Variants in SDK1 observed in about 807,000 individuals in gnomAD.
The protein encoded by SDK1 is sidekick cell adhesion molecule 1, also known as protein sidekick-1.
In SDK1, 157 loss-of-function variants were observed where a neutral mutation model predicts 245.5. That is an observed-to-expected ratio of 0.64 (90% confidence interval 0.56 to 0.73). The LOEUF (loss-of-function observed/expected upper bound fraction) is 0.73. SDK1 is among the 30% of genes least tolerant of loss of function. The pLI is 0.00. For synonymous variants in SDK1, 1,647 were observed against 1,278.5 expected (o/e 1.29, Z -6.15); for missense variants, 3,583 against 3,002.3 (o/e 1.19, Z -4.52).
intron 4 of SDK1, among the ~76,000 whole-genome samples, chr7:3,668,302 A>G (rs1032772848): frequency 1.3e-5 from 2 of 152,178 alleles, no homozygotes; most frequent in African/African-American, 4.8e-5. Context: ...TCCTCTTCCA[A>G]CACGACTCAC....
chr7:4,247,333 C>A (rs1434273136), intron 44 of SDK1, among the ~76,000 whole-genome samples: 2 of 152,120 alleles, frequency 1.3e-5, no homozygotes, highest in African/African-American at 4.8e-5. Context: ...ACAGAGGATG[C>A]CGGGTTTGCT....
intron 4 of SDK1, among the ~76,000 whole-genome samples, chr7:3,783,610 A>T (rs1222027901): frequency 6.6e-6 from 1 of 152,230 alleles, no homozygotes; most frequent in Non-Finnish European, 1.5e-5. Flanking sequence ...GAACAATTTC[A>T]TTTACAACAG....
Position 3,692,881 on chromosome 7 carries a change from T to C in SDK1, c.713+50776T>C, listed in dbSNP as rs898435247. Among the ~76,000 whole-genome samples, 92 of 152,190 alleles carry C rather than the reference T, an allele frequency of 6.0e-4. 1 individual carries two copies. Among genetic ancestry groups the C allele is most frequent in the African/African-American group, 2.2e-3 (91 of 41,560 alleles). On this transcript the variant is annotated intron_variant, in intron 4 of 44. Coordinates refer to ENST00000404826, the MANE Select transcript of SDK1 (RefSeq NM_152744.4). The stretch of plus-strand genomic sequence containing the variant: ...CGAGTATTGCACTGGCAAATACATT[T>C]CTATTTTAATTATATATTAATATGA...
At chr7:3,945,056 G>A (rs1780519574) in intron 5 of SDK1, among the ~76,000 whole-genome samples, 1 of 152,240 alleles carries the variant, frequency 6.6e-6, no homozygotes, top group African/African-American at 2.4e-5. Flanking sequence ...AGAGTTTGCA[G>A]TGAGCTGAGA....
chr7:4,096,035 A>G (rs1435664630), intron 22 of SDK1, among the ~76,000 whole-genome samples: 2 of 152,224 alleles, frequency 1.3e-5, no homozygotes, highest in Non-Finnish European at 2.9e-5. Flanking sequence ...CAGTGTGGAC[A>G]TGTGGGTAGA....
chr7:3,678,675 G>T (rs910715245), intron 4 of SDK1, among the ~76,000 whole-genome samples: 1 of 152,100 alleles, frequency 6.6e-6, no homozygotes, highest in Admixed American at 6.6e-5. Context: ...GTTTCTGTTT[G>T]GGATGAAGAA....
At chr7:3,845,947 T>G (rs551206140) in intron 5 of SDK1, among the ~76,000 whole-genome samples, 22 of 152,332 alleles carry the variant, frequency 1.4e-4, no homozygotes, top group African/African-American at 4.8e-4. Flanking sequence ...CCTACAACTT[T>G]GCAGAAATCC....
chr7:3,514,180 T>C (rs796417670), intron 1 of SDK1, among the ~76,000 whole-genome samples: 10 of 152,298 alleles, frequency 6.6e-5, no homozygotes, highest in African/African-American at 2.4e-4. Context: ...TCATGGAGTT[T>C]GTATGTTTTT....
chr7:4,007,357 C>A (rs1334198057), intron 14 of SDK1, among the ~76,000 whole-genome samples: 2 of 152,000 alleles, frequency 1.3e-5, no homozygotes, highest in East Asian at 3.9e-4. Context: ...AAGAGGGGGA[C>A]CCAGGTAGCC....
intron 4 of SDK1, among the ~76,000 whole-genome samples, chr7:3,644,025 C>T (rs1384014999): frequency 6.6e-6 from 1 of 151,220 alleles, no homozygotes; most frequent in African/African-American, 2.4e-5. Flanking sequence ...GCCTCAGCCT[C>T]CTGAGTAGCT....
chr7:3,449,570 G>A (rs1448047483), intron 1 of SDK1, among the ~76,000 whole-genome samples: 2 of 152,180 alleles, frequency 1.3e-5, no homozygotes, highest in African/African-American at 4.8e-5. Context: ...GGAGTACAAA[G>A]AATTCTTCTG....
In SDK1 at chr7:3,488,785, A is replaced by G. The variant is rs567124981; in HGVS notation, c.299-130295A>G. Among the ~76,000 whole-genome samples the G allele has an allele frequency of 3.8e-4, 58 of 152,276 alleles. 1 individual carries two copies. The South Asian group carries it at 7.7e-3, about 20-fold the overall frequency. ...CCTACATTCAATTCTTCCCTACTCA[A>G]TCTGACAGCTTGGACTTGTCTCATA... On this transcript the variant is annotated intron_variant, in intron 1 of 44. Coordinates refer to ENST00000404826, the MANE Select transcript of SDK1 (RefSeq NM_152744.4).
chr7:3,906,762 G>T (rs867100004), intron 5 of SDK1, among the ~76,000 whole-genome samples: 1 of 151,496 alleles, frequency 6.6e-6, no homozygotes, highest in Middle Eastern at 3.4e-3. Context: ...TGAGTAGCTG[G>T]GACTACAGGT....
chr7:3,909,544 G>A (rs1779081578), intron 5 of SDK1, among the ~76,000 whole-genome samples: 1 of 152,172 alleles, frequency 6.6e-6, no homozygotes, highest in South Asian at 2.1e-4. Flanking sequence ...CAGTAAGCTC[G>A]GGAAAAGGGG....
At chr7:3,431,768 A>G (rs962321639) in intron 1 of SDK1, among the ~76,000 whole-genome samples, 29 of 152,294 alleles carry the variant, frequency 1.9e-4, no homozygotes, top group African/African-American at 3.4e-4. Flanking sequence ...ACCTCTGTCT[A>G]TGTCTTCATA....
intron 44 of SDK1, among the ~76,000 whole-genome samples, chr7:4,255,638 T>G (rs540073883): frequency 2.0e-5 from 3 of 152,284 alleles, no homozygotes; most frequent in Admixed American, 6.5e-5. Context: ...GAATAGAGCT[T>G]CTTCAACATG....
chr7:3,306,552 A>G (rs903911702), intron 1 of SDK1, among the ~76,000 whole-genome samples: 1 of 152,340 alleles, frequency 6.6e-6, no homozygotes, highest in African/African-American at 2.4e-5. Context: ...CACACATTTT[A>G]TGTAAACAGT....
chr7:4,159,167 G>A (rs556838769), intron 31 of SDK1, among the ~76,000 whole-genome samples: 23 of 152,300 alleles, frequency 1.5e-4, no homozygotes, highest in Admixed American at 4.6e-4. Context: ...ACCCAGCAGC[G>A]TTTCATCATC....
At chr7:3,609,161 A>G (rs565670033) in intron 1 of SDK1, among the ~76,000 whole-genome samples, 2 of 152,340 alleles carry the variant, frequency 1.3e-5, no homozygotes, top group East Asian at 3.9e-4. Context: ...AACTTTTTAA[A>G]GTTCACAGGT....
Sources: allele counts gnomAD v4.1 joint callset (sites outside exome capture counted in the v4.1 genomes callset), GRCh38; gene constraint gnomAD v4.1.1; transcripts MANE v1.5; gene names NCBI Gene and HGNC (gene_info 2026-07-23, HGNC 2026-07-21).